Variants in ABCB11 observed in about 807,000 individuals in gnomAD.
ABCB11 encodes the protein ATP binding cassette subfamily B member 11.
ABCB11 carries 95 observed loss-of-function variants against 148.0 expected under a neutral mutation model. The observed-to-expected ratio is 0.64, with a 90% confidence interval of 0.54 to 0.76. ABCB11 has a LOEUF of 0.76. Among genes scored for constraint, ABCB11 ranks in the 30% least tolerant of loss-of-function variants. The probability of loss-of-function intolerance (pLI) is 0.00; values close to 1 mark genes in which losing one functional copy is unlikely to be tolerated. For synonymous variants in ABCB11, 591 were observed against 555.4 expected, an observed-to-expected ratio of 1.06 and a Z score of -0.90; for missense variants, 1,523 against 1,617.8, an observed-to-expected ratio of 0.94 and a Z score of 1.01.
intron 18 of ABCB11, among the ~76,000 whole-genome samples, chr2:168,960,181 C>T (rs1055723904): frequency 6.6e-6 from 1 of 151,618 alleles, no homozygotes; most frequent in African/African-American, 2.4e-5. Context: ...TTTAGTAGGC[C>T]TAACTGTGAA....
chr2:169,005,881 C>T (rs187059845), intron 5 of ABCB11, among the ~76,000 whole-genome samples: 241 of 151,944 alleles, frequency 1.6e-3, no homozygotes, highest in African/African-American at 5.6e-3. Flanking sequence ...CTGAGTGGAC[C>T]TATAACAACT....
At chr2:168,940,948 A>T (rs1310619652) in intron 21 of ABCB11, among the ~76,000 whole-genome samples, 1 of 152,092 alleles carries the variant, frequency 6.6e-6, no homozygotes, top group Non-Finnish European at 1.5e-5. Flanking sequence ...TGAATATTTT[A>T]AGCCACTGTT....
chr2:168,966,607 T>G lies in ABCB11; in HGVS notation c.2075+1820A>C, dbSNP rs1409858019. On this transcript the variant is annotated intron_variant, in intron 17 of 27. Transcript: ENST00000650372. ...GGACTAAATACTATCTTTCTCAACA[T>G]TATTATTTAGGAAATTTGTGGCTGT... is the stretch of plus-strand genomic sequence containing the variant. 7.9e-5 allele frequency among the ~76,000 whole-genome samples: 12 copies of G among 151,932 alleles called. 1 individual carries two copies. In the East Asian group the frequency reaches 2.3e-3, roughly 30 times the overall value.
Position 168,969,397 on chromosome 2 carries a change from G to A in ABCB11, c.1964C>T (p.Thr655Ile), listed in dbSNP as rs775969731. 1.6e-5 allele frequency: 25 copies of A among 1,612,490 alleles called. No homozygotes were observed. The highest frequency in any genetic ancestry group is 2.1e-5 in the Non-Finnish European group (25 of 1,179,254). Reference protein sequence around the residue: ...ERKGVYFTLVTLQSQGNQALN... With the variant: ...ERKGVYFTLVILQSQGNQALN... ...AGCTTGATTTCCCTGGCTTTGCAAA[G>A]TCACTAGAGTGAAGTAAACACCTTT... The change falls in exon 16 of 28, where the codon ACT (threonine) becomes ATT (isoleucine). Residue 655 changes from threonine (T) to isoleucine (I), a missense_variant. By Grantham distance (89) the Thr-to-Ile change is moderately conservative. Transcript: ENST00000650372.
At chr2:168,999,186 A>T (rs547102777) in intron 5 of ABCB11, among the ~76,000 whole-genome samples, 1 of 152,114 alleles carries the variant, frequency 6.6e-6, no homozygotes, top group African/African-American at 2.4e-5. Context: ...ACATTAGAGG[A>T]AAAAAGATAA....
intron 13 of ABCB11, among the ~76,000 whole-genome samples, 189 bp downstream of exon 13, chr2:168,973,526 T>C (rs781623834): frequency 6.6e-6 from 1 of 152,068 alleles, no homozygotes; most frequent in Non-Finnish European, 1.5e-5. Flanking sequence ...GTGAATGGAA[T>C]TGACTGGTTA....
At chr2:169,002,385 G>A (rs1357826427) in intron 5 of ABCB11, among the ~76,000 whole-genome samples, 1 of 152,124 alleles carries the variant, frequency 6.6e-6, no homozygotes, top group African/African-American at 2.4e-5. Flanking sequence ...ATGGAAATAT[G>A]TATGTAGGTT....
intron 17 of ABCB11, among the ~76,000 whole-genome samples, chr2:168,965,501 G>A (rs914297974): frequency 6.6e-6 from 1 of 151,858 alleles, no homozygotes; most frequent in African/African-American, 2.4e-5. Context: ...TATCACTGAA[G>A]CTCTAGCCTT....
At chr2:168,989,897 G>A (rs1694455557) in intron 9 of ABCB11, among the ~76,000 whole-genome samples, 1 of 152,042 alleles carries the variant, frequency 6.6e-6, no homozygotes, top group Non-Finnish European at 1.5e-5. Context: ...TTCTGTTAAT[G>A]TGGTATATTA....
intron 13 of ABCB11, among the ~76,000 whole-genome samples, chr2:168,973,345 A>T (rs1574453028): frequency 6.6e-6 from 1 of 152,054 alleles, no homozygotes; most frequent in Admixed American, 6.6e-5. Flanking sequence ...CTAAATATCA[A>T]TCATTTCTCT....
chr2:168,948,672 AG>A (rs1209851127), intron 19 of ABCB11, among the ~76,000 whole-genome samples: 1 of 151,786 alleles, frequency 6.6e-6, no homozygotes, highest in Non-Finnish European at 1.5e-5. Context: ...TGTACCTACT[AG>A]GAAATCAAGA....
intron 12 of ABCB11, 79 bp downstream of exon 12, chr2:168,976,498 A>T: frequency 1.2e-6 from 1 of 826,278 alleles, no homozygotes; most frequent in South Asian, 2.3e-5. Context: ...GGCTTCAGAA[A>T]ATGAGCAATT....
intron 10 of ABCB11, among the ~76,000 whole-genome samples, chr2:168,983,326 T>C (rs921551342): frequency 2.0e-5 from 3 of 152,286 alleles, no homozygotes; most frequent in African/African-American, 7.2e-5. Context: ...TTGGTAAATG[T>C]CAAAGTTCTT....
rs1691173208 is a variant in ABCB11 at position 168,923,697 on chromosome 2, C to T, written c.3891G>A (p.Lys1297=). ...GGGCCATCAGTTCTTCATGGGTCCC[C>T]TTTTCAATCACCACCCCCTGTGCCA... The part of the protein sequence containing the change: ...AVMAQGVVIE[K]GTHEELMAQK... The change falls in exon 28 of 28, where the codon AAG becomes AAA. Residue 1297 remains lysine (K), a synonymous_variant. Coordinates refer to ENST00000650372, the MANE Select transcript of ABCB11 (RefSeq NM_003742.4). 3 of 1,613,662 alleles carry T rather than the reference C, an allele frequency of 1.9e-6. No individual in the cohort carries two copies. Among genetic ancestry groups the T allele is most frequent in the Admixed American group, 3.3e-5 (2 of 59,970 alleles).
chr2:168,955,149 C>G (rs1419341812), intron 19 of ABCB11, among the ~76,000 whole-genome samples: 1 of 151,498 alleles, frequency 6.6e-6, no homozygotes, highest in Non-Finnish European at 1.5e-5. Context: ...TCATTCATAT[C>G]CTGAATTGAT....
At position 169,020,063 on chromosome 2, in the gene ABCB11, A is replaced by G. The variant is rs151250003; in HGVS notation, c.-27-1911T>C. Among the ~76,000 whole-genome samples, 502 of 152,336 alleles carry G rather than the reference A, an allele frequency of 3.3e-3. 6 individuals carry two copies. Among genetic ancestry groups the G allele is most frequent in the African/African-American group, 0.012 (481 of 41,578 alleles). ...GGCCAATCAAATATTGATACCAAGTATAACCTTTTATATTTCAAAAGAACA... is the reference window on the plus strand; with the variant it reads ...GGCCAATCAAATATTGATACCAAGTGTAACCTTTTATATTTCAAAAGAACA... On this transcript the variant is annotated intron_variant, in intron 1 of 27. Coordinates refer to ENST00000650372, the MANE Select transcript of ABCB11 (RefSeq NM_003742.4).
intron 5 of ABCB11, among the ~76,000 whole-genome samples, chr2:169,009,096 T>C (rs1182591169): frequency 2.6e-5 from 4 of 152,114 alleles, no homozygotes; most frequent in African/African-American, 9.7e-5. Context: ...AGCAGATTAG[T>C]GTTGCCTAGG....
At chr2:168,975,293 ATT>A (rs1558900592) in intron 12 of ABCB11, among the ~76,000 whole-genome samples, 84 of 76,926 alleles carry the variant, frequency 1.1e-3, no homozygotes, top group African/African-American at 3.6e-3. Context: ...ATATTTAAAT[ATT>A]TTTATATTTA....
chr2:169,016,979 T>TACACACACACACACAC (rs71397686), intron 2 of ABCB11, among the ~76,000 whole-genome samples, 180 bp from the exon 3 acceptor site: 4 of 138,004 alleles, frequency 2.9e-5, no homozygotes, highest in Admixed American at 7.3e-5. Flanking sequence ...TCTATCTTTC[T>TACACACACACACACAC]ACACACACAC....
Sources: allele counts gnomAD v4.1 joint callset (sites outside exome capture counted in the v4.1 genomes callset), GRCh38; gene constraint gnomAD v4.1.1; transcripts MANE v1.5; gene names NCBI Gene and HGNC (gene_info 2026-07-23, HGNC 2026-07-21).